Variants in FHIT observed in about 807,000 individuals in gnomAD.
FHIT encodes the protein fragile histidine triad diadenosine triphosphatase.
Under a neutral mutation model 17.9 loss-of-function variants are expected in FHIT, and 19 were observed. That is an observed-to-expected ratio of 1.06 (90% CI 0.74 to 1.56). FHIT has a LOEUF of 1.56. Among genes scored for constraint, FHIT ranks in the 40% most tolerant of loss-of-function variants. The probability of loss-of-function intolerance (pLI) is 0.00; values close to 1 mark genes in which losing one functional copy is unlikely to be tolerated. For synonymous variants in FHIT, 81 were observed against 69.7 expected (o/e 1.16, Z -0.81); for missense variants, 248 against 189.2 (o/e 1.31, Z -1.82).
chr3:60,505,651 G>T (rs560943347), intron 5 of FHIT, among the ~76,000 whole-genome samples: 2 of 152,198 alleles, frequency 1.3e-5, no homozygotes, highest in East Asian at 3.9e-4. Context: ...ACTATGAATT[G>T]GGAATACATA....
intron 5 of FHIT, among the ~76,000 whole-genome samples, chr3:60,380,942 A>G (rs1480211231): frequency 6.7e-6 from 1 of 149,838 alleles, no homozygotes; most frequent in Non-Finnish European, 1.5e-5. Context: ...CTATGCGAAC[A>G]TCATGGCAAC....
At chr3:59,953,439 T>C (rs995396043) in intron 7 of FHIT, among the ~76,000 whole-genome samples, 2 of 152,146 alleles carry the variant, frequency 1.3e-5, no homozygotes, top group African/African-American at 4.8e-5. Flanking sequence ...ATTTCAAATA[T>C]GTTAGCCGCA....
At chr3:59,806,601 A>G (rs1340924042) in intron 8 of FHIT, among the ~76,000 whole-genome samples, 2 of 88,000 alleles carry the variant, frequency 2.3e-5, no homozygotes, top group Non-Finnish European at 2.4e-5. Context: ...AAAGCAGTTG[A>G]GCAAATCATA....
At chr3:60,652,590 G>A (rs1447100160) in intron 4 of FHIT, among the ~76,000 whole-genome samples, 1 of 152,124 alleles carries the variant, frequency 6.6e-6, no homozygotes, top group Non-Finnish European at 1.5e-5. Flanking sequence ...TTAGTCAGGT[G>A]TGGTGGCAGG....
intron 4 of FHIT, among the ~76,000 whole-genome samples, chr3:60,642,008 G>A (rs1476898178): frequency 6.6e-6 from 1 of 152,048 alleles, no homozygotes; most frequent in African/African-American, 2.4e-5. Flanking sequence ...GGGGTGGGGA[G>A]TGGGACGACT....
At chr3:59,859,008 C>T (rs768660529) in intron 8 of FHIT, among the ~76,000 whole-genome samples, 1 of 152,166 alleles carries the variant, frequency 6.6e-6, no homozygotes, top group Non-Finnish European at 1.5e-5. Flanking sequence ...GAACAATAAG[C>T]ATGCTAAGCA....
At chr3:61,040,905 G>A (rs1190487251) in intron 3 of FHIT, among the ~76,000 whole-genome samples, 1 of 152,122 alleles carries the variant, frequency 6.6e-6, no homozygotes, top group Non-Finnish European at 1.5e-5. Context: ...CTCAGGGAGG[G>A]AGCATGTCCA....
chr3:60,140,470 G>A (rs1699993831), intron 5 of FHIT, among the ~76,000 whole-genome samples: 1 of 152,030 alleles, frequency 6.6e-6, no homozygotes, highest in African/African-American at 2.4e-5. Flanking sequence ...GCTACTAGTG[G>A]CAAGATAGTA....
Position 60,308,699 on chromosome 3 carries a change from C to G in FHIT, c.103+228161G>C, listed in dbSNP as rs1225792817. On this transcript the variant is annotated intron_variant, in intron 5 of 9. Coordinates refer to ENST00000492590, the MANE Select transcript of FHIT (RefSeq NM_002012.4). ...CATTGTTTTAAGAATTGAGATAATG[C>G]ATATGAAATGTTCAGCATAGGACCT... Among the ~76,000 whole-genome samples the G allele has an allele frequency of 7.2e-5, 11 of 152,122 alleles. No individual in the cohort carries two copies. In the South Asian group the frequency reaches 2.3e-3, roughly 32 times the overall value.
chr3:60,211,106 AAAG>A (rs1341482518), intron 5 of FHIT, among the ~76,000 whole-genome samples: 2 of 151,442 alleles, frequency 1.3e-5, no homozygotes, highest in Admixed American at 6.6e-5. Context: ...GGAAGAGGAA[AAAG>A]AAGAAAAGAA....
intron 4 of FHIT, among the ~76,000 whole-genome samples, chr3:60,790,313 A>T (rs1700731180): frequency 6.6e-6 from 1 of 152,238 alleles, no homozygotes; most frequent in Non-Finnish European, 1.5e-5. Context: ...ACATGAAAAT[A>T]GTCAAAATTA....
At chr3:61,038,634 C>T (rs1419867017) in intron 3 of FHIT, among the ~76,000 whole-genome samples, 3 of 152,034 alleles carry the variant, frequency 2.0e-5, no homozygotes, top group African/African-American at 4.8e-5. Flanking sequence ...TACAAAAATG[C>T]CCATATTTGT....
At chr3:61,211,270 C>T (rs11130829) in intron 1 of FHIT, among the ~76,000 whole-genome samples, 21,750 of 151,608 alleles carry the variant, frequency 0.14, 1,671 homozygotes, top group African/African-American at 0.16. Context: ...GGGTGACAGA[C>T]GGCACCTGGA....
At chr3:60,256,695 G>C (rs768003325) in intron 5 of FHIT, among the ~76,000 whole-genome samples, 1 of 152,112 alleles carries the variant, frequency 6.6e-6, no homozygotes, top group East Asian at 1.9e-4. Context: ...CCTTGGTTTA[G>C]TACCTTGCAT....
In FHIT at chr3:60,363,568, A is replaced by G. The variant is rs142436534; in HGVS notation, c.103+173292T>C. ...AAACCTGGAGATGTGGAGTGGTTAC[A>G]TCATTTTTCCAAGGTTATACAGCTA... is the stretch of plus-strand genomic sequence containing the variant. On this transcript the variant is annotated intron_variant, in intron 5 of 9. Transcript: ENST00000492590. Among the ~76,000 whole-genome samples, 695 of 152,232 alleles carry G rather than the reference A, an allele frequency of 4.6e-3. 7 individuals carry two copies. Among genetic ancestry groups the G allele is most frequent in the Middle Eastern group, 0.017 (5 of 294 alleles).
intron 8 of FHIT, among the ~76,000 whole-genome samples, chr3:59,850,271 T>G (rs1280588040): frequency 6.6e-6 from 1 of 152,210 alleles, no homozygotes; most frequent in African/African-American, 2.4e-5. Flanking sequence ...ATTTGCAATA[T>G]TCCCTAGCAA....
intron 5 of FHIT, among the ~76,000 whole-genome samples, chr3:60,436,938 G>T (rs146303825): frequency 4.1e-4 from 62 of 152,164 alleles, no homozygotes; most frequent in African/African-American, 1.4e-3. Flanking sequence ...GTTTTGCTGT[G>T]AATTAAACTA....
intron 8 of FHIT, among the ~76,000 whole-genome samples, chr3:59,895,354 T>C (rs1575657175): frequency 6.6e-6 from 1 of 152,318 alleles, no homozygotes; most frequent in South Asian, 2.1e-4. Context: ...CTATATTAAT[T>C]TTTGTGGAGT....
In FHIT at chr3:60,411,815, G is replaced by A. The variant is rs534136125; in HGVS notation, c.103+125045C>T. The stretch of plus-strand genomic sequence containing the variant: ...TCCTGCCACAAATATATTGGAGCTG[G>A]ATCCACCTGACAATGCTGAAATATC... On this transcript the variant is annotated intron_variant, in intron 5 of 9. Coordinates refer to ENST00000492590, the MANE Select transcript of FHIT (RefSeq NM_002012.4). Among the ~76,000 whole-genome samples the A allele has an allele frequency of 2.0e-5, 3 of 152,236 alleles. No homozygotes were observed. In the South Asian group the frequency reaches 6.2e-4, roughly 32 times the overall value.
Sources: gnomAD v4.1 joint callset for allele counts (sites outside exome capture counted in the v4.1 genomes callset) on GRCh38, gnomAD v4.1.1 for gene constraint, MANE v1.5 for transcripts, NCBI Gene and HGNC (gene_info 2026-07-23, HGNC 2026-07-21) for gene names.